MSI2: variants seen among roughly 807,000 people sequenced by gnomAD.
MSI2 encodes the protein musashi RNA binding protein 2.
Under a neutral mutation model 45.6 loss-of-function variants are expected in MSI2, and 17 were observed. The observed-to-expected ratio is 0.37, with a 90% CI of 0.26 to 0.56. The LOEUF is 0.56. MSI2 is among the 20% of genes least tolerant of loss of function. The pLI, the probability that MSI2 is intolerant of heterozygous loss-of-function variation, is 0.77. For synonymous variants in MSI2, 156 were observed against 158.2 expected, an observed-to-expected ratio of 0.99 and a Z score of 0.11; for missense variants, 293 against 444.2, an observed-to-expected ratio of 0.66 and a Z score of 3.06.
chr17:57,313,081 G>A (rs148824795), intron 5 of MSI2, among the ~76,000 whole-genome samples: 14 of 152,232 alleles, frequency 9.2e-5, no homozygotes, highest in African/African-American at 2.9e-4. Flanking sequence ...TCTGGACCTC[G>A]TGATCCACCA....
At chr17:57,690,925 C>T in the MSI2 span, among the ~76,000 whole-genome samples, 2 of 151,544 alleles carry the variant, frequency 1.3e-5, no homozygotes, top group African/African-American at 4.9e-5. Context: ...TTGCATGCGA[C>T]CTAAGTCTGC....
chr17:57,614,297 C>T (rs1337899763), intron 8 of MSI2, among the ~76,000 whole-genome samples: 1 of 152,176 alleles, frequency 6.6e-6, no homozygotes, highest in African/African-American at 2.4e-5. Flanking sequence ...AAGCAGTCTG[C>T]CTGCCTTAGC....
At chr17:57,550,116 G>T (rs1179094839) in intron 7 of MSI2, among the ~76,000 whole-genome samples, 1 of 152,192 alleles carries the variant, frequency 6.6e-6, no homozygotes, top group Non-Finnish European at 1.5e-5. Flanking sequence ...GAGCTAATTA[G>T]AAATCTCAAT....
In MSI2 at chr17:57,257,441, C is replaced by T. The variant is rs202189187; in HGVS notation, c.104-25C>T. 2.4e-6 allele frequency: 3 copies of T among 1,228,414 alleles called. No homozygotes were observed. In the Admixed American group the frequency reaches 5.8e-5, roughly 24 times the overall value. The allele number at this position is 1,228,414 out of a possible 1,614,324, so 76.1% of individuals were successfully genotyped here. On this transcript the variant is annotated intron_variant, in intron 2 of 13. Transcript: ENST00000284073. ...TTTTCCACACCTTCTCTCCCCCCCC[C>T]ATCTCTCTCTTTCTCTCTCTACAGA...
At chr17:57,377,193 C>T (rs182387178) in intron 5 of MSI2, among the ~76,000 whole-genome samples, 375 of 152,232 alleles carry the variant, frequency 2.5e-3, no homozygotes, top group Admixed American at 3.6e-3. Flanking sequence ...GTGCTGGGAC[C>T]ACAGGCGTGA....
At chr17:57,474,094 C>T (rs754456650) in intron 6 of MSI2, among the ~76,000 whole-genome samples, 18 of 152,228 alleles carry the variant, frequency 1.2e-4, no homozygotes, top group South Asian at 2.1e-4. Context: ...GGAACTCTCA[C>T]GCGAAGTTGG....
At chr17:57,339,777 G>A (rs1042268567) in intron 5 of MSI2, among the ~76,000 whole-genome samples, 14 of 152,180 alleles carry the variant, frequency 9.2e-5, no homozygotes, top group African/African-American at 3.4e-4. Flanking sequence ...TCCATCACCA[G>A]TTGAGGACCT....
intron 7 of MSI2, among the ~76,000 whole-genome samples, chr17:57,565,396 G>A (rs1420879077): frequency 2.0e-5 from 3 of 152,138 alleles, no homozygotes; most frequent in African/African-American, 4.8e-5. Flanking sequence ...CAGTGCTCCC[G>A]GAGGCTTCCC....
chr17:57,384,353 G>A (rs1459285462), intron 5 of MSI2, among the ~76,000 whole-genome samples: 1 of 152,128 alleles, frequency 6.6e-6, no homozygotes, highest in Non-Finnish European at 1.5e-5. Context: ...CCTGAACTGG[G>A]ATGATTCAAA....
At chr17:57,394,099 A>C (rs2083845622) in intron 5 of MSI2, among the ~76,000 whole-genome samples, 1 of 152,236 alleles carries the variant, frequency 6.6e-6, no homozygotes, top group South Asian at 2.1e-4. Flanking sequence ...CACCAGGAAG[A>C]TCTGGCTTGT....
chr17:57,511,588 G>A (rs1311158257), intron 6 of MSI2, among the ~76,000 whole-genome samples: 4 of 152,106 alleles, frequency 2.6e-5, no homozygotes, highest in East Asian at 1.9e-4. Context: ...TCGTGCGTAC[G>A]GATGTTGTTT....
chr17:57,615,117 C>A (rs1907554293), intron 8 of MSI2, among the ~76,000 whole-genome samples: 1 of 142,962 alleles, frequency 7.0e-6, no homozygotes, highest in Non-Finnish European at 1.5e-5. Context: ...CAGCATGTTG[C>A]ACAAGAATTT....
At chr17:57,443,980 A>G (rs544037508) in intron 6 of MSI2, among the ~76,000 whole-genome samples, 1 of 152,264 alleles carries the variant, frequency 6.6e-6, no homozygotes, top group Non-Finnish European at 1.5e-5. Context: ...CAGGAATTGC[A>G]GCTGACATCC....
intron 7 of MSI2, among the ~76,000 whole-genome samples, chr17:57,547,583 G>C (rs571542262): frequency 1.7e-3 from 257 of 152,218 alleles, no homozygotes; most frequent in Admixed American, 3.7e-3. Flanking sequence ...GTGAACTCTA[G>C]GTTCTTGGGT....
chr17:57,584,189 T>C lies in MSI2; in HGVS notation c.455-12679T>C, dbSNP rs575863787. Reference sequence around the variant, plus strand: ...CCTTTGCTGAAGAGTCAGGGAGCAGTCTCCGCTCCCTCCTGGCAGAGCCGC... The same window carrying C: ...CCTTTGCTGAAGAGTCAGGGAGCAGCCTCCGCTCCCTCCTGGCAGAGCCGC... On this transcript the variant is annotated intron_variant, in intron 7 of 13. Transcript: ENST00000284073. 4.6e-5 allele frequency among the ~76,000 whole-genome samples: 7 copies of C among 152,292 alleles called. No individual in the cohort carries two copies. The South Asian group carries it at 1.2e-3, about 27-fold the overall frequency.
chr17:57,592,635 C>T (rs1567922082), intron 7 of MSI2, among the ~76,000 whole-genome samples: 2 of 152,102 alleles, frequency 1.3e-5, no homozygotes, highest in Non-Finnish European at 2.9e-5. Flanking sequence ...GCTTGAAATC[C>T]GGGCTATCTC....
intron 10 of MSI2, among the ~76,000 whole-genome samples, chr17:57,635,480 T>A (rs1909766942): frequency 6.6e-6 from 1 of 152,250 alleles, no homozygotes; most frequent in Non-Finnish European, 1.5e-5. Context: ...AGCCCTGCAG[T>A]TCTATGCAGT....
chr17:57,474,393 A>G (rs994583282), intron 6 of MSI2, among the ~76,000 whole-genome samples: 6 of 152,214 alleles, frequency 3.9e-5, no homozygotes, highest in Non-Finnish European at 7.3e-5. Context: ...CCAGGCTCCA[A>G]GCCAGGGCTC....
chr17:57,448,525 CGTGGA>C (rs1253222750), intron 6 of MSI2: 1 of 152,200 alleles, frequency 6.6e-6, no homozygotes, highest in Non-Finnish European at 1.5e-5. Flanking sequence ...CAGTGGAAAG[CGTGGA>C]TTCCTGCTGT....
Sources: allele counts gnomAD v4.1 joint callset (sites outside exome capture counted in the v4.1 genomes callset), GRCh38; gene constraint gnomAD v4.1.1; transcripts MANE v1.5; gene names NCBI Gene and HGNC (gene_info 2026-07-23, HGNC 2026-07-21).